NCOA1: variants seen among roughly 807,000 people sequenced by gnomAD.
NCOA1 encodes nuclear receptor coactivator 1.
Under a neutral mutation model 150.9 loss-of-function variants are expected in NCOA1, and 35 were observed. The observed-to-expected ratio is 0.23, with a 90% CI of 0.18 to 0.31. NCOA1 has a LOEUF of 0.31. Among genes scored for constraint, NCOA1 ranks in the 10% least tolerant of loss-of-function variants. The pLI is 1.00. For synonymous variants in NCOA1, 590 were observed against 630.0 expected, an observed-to-expected ratio of 0.94 and a Z score of 0.95; for missense variants, 1,491 against 1,749.3, an observed-to-expected ratio of 0.85 and a Z score of 2.63.
intron 1 of NCOA1, among the ~76,000 whole-genome samples, chr2:24,506,269 G>A (rs1172587957): frequency 6.6e-6 from 1 of 151,950 alleles, no homozygotes; most frequent in Non-Finnish European, 1.5e-5. Flanking sequence ...TGACCAGCTG[G>A]TTTGCTTGTA....
At chr2:24,667,684 C>A (rs1671492574) in intron 6 of NCOA1, among the ~76,000 whole-genome samples, 2 of 152,126 alleles carry the variant, frequency 1.3e-5, no homozygotes, top group Non-Finnish European at 2.9e-5. Context: ...AATTTTACTT[C>A]TTTACCTTTG....
At chr2:24,576,243 A>G (rs541929146) in intron 2 of NCOA1, among the ~76,000 whole-genome samples, 33 of 137,930 alleles carry the variant, frequency 2.4e-4, no homozygotes, top group Admixed American at 7.9e-5. Flanking sequence ...CACAGGACAT[A>G]TCAGCACTCT....
chr2:24,709,912 A>G (rs1186802653), intron 13 of NCOA1, among the ~76,000 whole-genome samples: 1 of 152,156 alleles, frequency 6.6e-6, no homozygotes, highest in African/African-American at 2.4e-5. Flanking sequence ...TTAAATACAT[A>G]TATGTAATTC....
chr2:24,716,932 C>A (rs1356477787), intron 14 of NCOA1, among the ~76,000 whole-genome samples: 1 of 151,920 alleles, frequency 6.6e-6, no homozygotes, highest in Non-Finnish European at 1.5e-5. Context: ...AGGAGTGATA[C>A]CCAAAATAAA....
At chr2:24,721,695 C>T (rs945549927) in intron 14 of NCOA1, among the ~76,000 whole-genome samples, 3 of 152,212 alleles carry the variant, frequency 2.0e-5, no homozygotes, top group African/African-American at 7.2e-5. Flanking sequence ...GGCCTGGCAG[C>T]AGCTGTTCAG....
chr2:24,651,513 T>C (rs1469633302), intron 4 of NCOA1, among the ~76,000 whole-genome samples: 2 of 151,932 alleles, frequency 1.3e-5, no homozygotes, highest in Non-Finnish European at 2.9e-5. Context: ...AAGGCAAATA[T>C]ACAGAGATAG....
chr2:24,658,068 A>T (rs1051729344), intron 4 of NCOA1, among the ~76,000 whole-genome samples: 1 of 152,206 alleles, frequency 6.6e-6, no homozygotes, highest in Non-Finnish European at 1.5e-5. Context: ...CCAAGATCCT[A>T]ACATAGACTA....
intron 22 of NCOA1, among the ~76,000 whole-genome samples, chr2:24,763,268 G>A (rs1211653562): frequency 3.9e-5 from 6 of 152,048 alleles, no homozygotes; most frequent in Admixed American, 6.5e-5. Flanking sequence ...GGCCGGGCGC[G>A]GTGGCTCATG....
At chr2:24,751,941 T>G (rs1276265733) in intron 19 of NCOA1, 41 bp from the exon 20 acceptor site, 2 of 1,547,890 alleles carry the variant, frequency 1.3e-6, no homozygotes, top group East Asian at 2.3e-5. Flanking sequence ...GTTAATAAAT[T>G]TATAGTGTAT....
chr2:24,536,516 T>C (rs1665150008), intron 1 of NCOA1, among the ~76,000 whole-genome samples: 1 of 152,198 alleles, frequency 6.6e-6, no homozygotes, highest in Non-Finnish European at 1.5e-5. Context: ...CTGCAATTCT[T>C]TGGAGAAGAA....
chr2:24,632,391 A>G (rs1053894722), intron 3 of NCOA1, among the ~76,000 whole-genome samples: 2 of 152,206 alleles, frequency 1.3e-5, no homozygotes, highest in Admixed American at 6.5e-5. Context: ...TTAAAAAGCC[A>G]CTAGATGCAC....
At chr2:24,637,574 A>G (rs1669996188) in intron 3 of NCOA1, among the ~76,000 whole-genome samples, 1 of 152,124 alleles carries the variant, frequency 6.6e-6, no homozygotes, top group Admixed American at 6.5e-5. Context: ...CATCATTCTC[A>G]GTAAACTATC....
intron 1 of NCOA1, among the ~76,000 whole-genome samples, chr2:24,558,388 C>T (rs1421060061): frequency 6.6e-6 from 1 of 152,150 alleles, no homozygotes; most frequent in Non-Finnish European, 1.5e-5. Context: ...TACAGTTCCA[C>T]ATGGCTGGGG....
chr2:24,677,623 C>T (rs931218291), intron 7 of NCOA1, among the ~76,000 whole-genome samples: 1 of 152,134 alleles, frequency 6.6e-6, no homozygotes, highest in Non-Finnish European at 1.5e-5. Context: ...GGGGTTTCGC[C>T]ATGTTGGCCA....
chr2:24,670,167 G>GTGTGGGTGA (rs1330720059), intron 6 of NCOA1, among the ~76,000 whole-genome samples: 1 of 152,092 alleles, frequency 6.6e-6, no homozygotes. Context: ...GTAATAACAA[G>GTGTGGGTGA]TGTGGGTGAG....
At chr2:24,734,443 A>G (rs1042749179) in intron 17 of NCOA1, among the ~76,000 whole-genome samples, 14 of 152,214 alleles carry the variant, frequency 9.2e-5, no homozygotes, top group Non-Finnish European at 1.6e-4. Flanking sequence ...ATCTTGAAGT[A>G]TTAATAAAAT....
chr2:24,704,320 G>T (rs890111103), intron 11 of NCOA1, among the ~76,000 whole-genome samples: 3 of 151,942 alleles, frequency 2.0e-5, no homozygotes, highest in Admixed American at 6.6e-5. Context: ...TAAATTTTAT[G>T]GTGTGTCAGT....
chr2:24,688,590 T>C (rs1330254330), intron 8 of NCOA1, among the ~76,000 whole-genome samples: 1 of 152,210 alleles, frequency 6.6e-6, no homozygotes, highest in East Asian at 1.9e-4. Flanking sequence ...GCCCACTTTT[T>C]AATGGGGTTG....
At chr2:24,735,553 T>G (rs1663255779) in intron 17 of NCOA1, among the ~76,000 whole-genome samples, 1 of 152,046 alleles carries the variant, frequency 6.6e-6, no homozygotes, top group Non-Finnish European at 1.5e-5. Context: ...TAGATATCAT[T>G]TATTGGCCAT....
Sources: allele counts gnomAD v4.1 joint callset (sites outside exome capture counted in the v4.1 genomes callset), GRCh38; gene constraint gnomAD v4.1.1; transcripts MANE v1.5; gene names NCBI Gene and HGNC (gene_info 2026-07-23, HGNC 2026-07-21).